SPATA31H1: variants seen among roughly 807,000 people sequenced by gnomAD.
SPATA31H1 encodes spermatogenesis-associated protein 31H1.
the SPATA31H1 span, among the ~76,000 whole-genome samples, chr2:27,559,224 T>C: frequency 7.2e-5 from 11 of 152,206 alleles, no homozygotes; most frequent in African/African-American, 2.7e-4. Flanking sequence ...AGGGATCATC[T>C]CAATCCAATA....
chr2:27,559,707 C>T, the SPATA31H1 span, among the ~76,000 whole-genome samples: 1 of 151,978 alleles, frequency 6.6e-6, no homozygotes, highest in Non-Finnish European at 1.5e-5. Context: ...ATTCTTTATT[C>T]AGAAATGTTT....
At chr2:27,542,801 A>G in the SPATA31H1 span, among the ~76,000 whole-genome samples, 1 of 152,120 alleles carries the variant, frequency 6.6e-6, no homozygotes, top group East Asian at 1.9e-4. Context: ...CACAAAACAA[A>G]AAGACAACAT....
the SPATA31H1 span, chr2:27,580,639 G>A: frequency 1.2e-6 from 2 of 1,614,226 alleles, no homozygotes; most frequent in Admixed American, 1.7e-5. Flanking sequence ...CTTTTTCAGA[G>A]CCTAAAGCGG....
chr2:27,542,034 A>T, the SPATA31H1 span, among the ~76,000 whole-genome samples: 4 of 151,966 alleles, frequency 2.6e-5, no homozygotes, highest in Non-Finnish European at 5.9e-5. Flanking sequence ...CAGCCTTCCA[A>T]AGTGCTGGGA....
At chr2:27,576,719 A>C in the SPATA31H1 span, 10 of 1,613,984 alleles carry the variant, frequency 6.2e-6, no homozygotes, top group Non-Finnish European at 8.5e-6. Flanking sequence ...TCAGATTTTC[A>C]AATTTGTCTC....
the SPATA31H1 span, chr2:27,581,445 C>A: frequency 6.2e-7 from 1 of 1,613,964 alleles, no homozygotes; most frequent in African/African-American, 1.3e-5. Flanking sequence ...CTGTCACAGT[C>A]TCTCTGAAAG....
At chr2:27,562,944 C>A in the SPATA31H1 span, among the ~76,000 whole-genome samples, 3,539 of 151,380 alleles carry the variant, frequency 0.023, 146 homozygotes, top group African/African-American at 0.081. Flanking sequence ...GTTATTCCAA[C>A]CAAGAACTTG....
At chr2:27,574,850 T>G in the SPATA31H1 span, 719 of 398,494 alleles carry the variant, frequency 1.8e-3, 4 homozygotes, top group African/African-American at 0.014. Context: ...ATGTAAAATC[T>G]ATGGAGTTCA....
the SPATA31H1 span, among the ~76,000 whole-genome samples, chr2:27,543,411 A>G: frequency 2.0e-5 from 3 of 151,964 alleles, no homozygotes; most frequent in East Asian, 5.8e-4. Context: ...TTCTGTAACA[A>G]GTGATGCATG....
chr2:27,578,889 G>C, the SPATA31H1 span: 1 of 1,614,144 alleles, frequency 6.2e-7, no homozygotes, highest in South Asian at 1.1e-5. Context: ...CCCTGGGACA[G>C]ATATTTTGCA....
At chr2:27,581,186 G>A in the SPATA31H1 span, 1 of 1,614,172 alleles carries the variant, frequency 6.2e-7, no homozygotes, top group Non-Finnish European at 8.5e-7. Context: ...CACACAAGGA[G>A]CATAACCACC....
the SPATA31H1 span, chr2:27,582,326 G>T: frequency 2.5e-6 from 4 of 1,611,520 alleles, no homozygotes; most frequent in Non-Finnish European, 3.4e-6. Flanking sequence ...TGAGGCCAGG[G>T]AGGCCCTCTG....
chr2:27,572,130 G>T, the SPATA31H1 span: 1 of 398,466 alleles, frequency 2.5e-6, no homozygotes, highest in Non-Finnish European at 4.4e-6. Flanking sequence ...AAAATCATCT[G>T]AATTGACTCC....
the SPATA31H1 span, among the ~76,000 whole-genome samples, chr2:27,544,529 AT>A: frequency 1.1e-3 from 140 of 125,102 alleles, no homozygotes; most frequent in Middle Eastern, 4.3e-3. Flanking sequence ...GTTGACAACA[AT>A]TTTTTTTTTT....
At chr2:27,544,118 G>C in the SPATA31H1 span, among the ~76,000 whole-genome samples, 1 of 151,846 alleles carries the variant, frequency 6.6e-6, no homozygotes, top group Non-Finnish European at 1.5e-5. Flanking sequence ...AATTACTCAG[G>C]AAGTCACTCT....
At chr2:27,537,436 AT>A in the SPATA31H1 span, 2 of 717,280 alleles carry the variant, frequency 2.8e-6, no homozygotes, top group Admixed American at 2.0e-5. Flanking sequence ...AATGGCACCA[AT>A]TTGGGGGATG....
chr2:27,577,172 T>A, the SPATA31H1 span: 1 of 1,614,022 alleles, frequency 6.2e-7, no homozygotes, highest in Admixed American at 1.7e-5. The surrounding 1 kb of genome is among the most constrained non-coding windows in gnomAD (Gnocchi z 4.5). Context: ...TGCAGCCAGA[T>A]CTTCAGGTAC....
the SPATA31H1 span, among the ~76,000 whole-genome samples, chr2:27,548,183 G>A: frequency 3.3e-5 from 5 of 151,284 alleles, no homozygotes; most frequent in Admixed American, 6.6e-5. Flanking sequence ...GGGTTTCACC[G>A]TGGTCTGGAT....
the SPATA31H1 span, chr2:27,567,827 T>C: frequency 7.5e-6 from 3 of 398,886 alleles, no homozygotes; most frequent in South Asian, 1.3e-4. Flanking sequence ...AAGTCAAAGA[T>C]AGCCTAAAGG....
Sources: allele counts gnomAD v4.1 joint callset (sites outside exome capture counted in the v4.1 genomes callset), GRCh38; gene constraint gnomAD v4.1.1; non-coding constraint Gnocchi (gnomAD v3.1); transcripts MANE v1.5; gene names NCBI Gene and HGNC (gene_info 2026-07-23, HGNC 2026-07-21).